The following NAIP variants were observed in gnomAD, a reference collection of about 807,000 sequenced individuals.
The protein encoded by NAIP is NLR family apoptosis inhibitory protein, also known as baculoviral IAP repeat-containing protein 1.
NAIP carries 15 observed loss-of-function variants against 23.0 expected under a neutral mutation model. The observed-to-expected ratio is 0.65, with a 90% CI of 0.44 to 1.00. NAIP has a LOEUF of 1.00. Among genes scored for constraint, NAIP ranks in the 50% least tolerant of loss-of-function variants. The pLI is 0.00. For synonymous variants in NAIP, 100 were observed against 100.2 expected (o/e 1.00, Z 0.01); for missense variants, 265 against 278.8 (o/e 0.95, Z 0.35).
At chr5:71,002,425 T>TTG (rs1750837526) in intron 6 of NAIP, among the ~76,000 whole-genome samples, 1 of 120,758 alleles carries the variant, frequency 8.3e-6, no homozygotes. Flanking sequence ...TTTTTTTTTT[T>TTG]TGAGACAGAG....
At chr5:70,996,868 G>A (rs1172197296) in intron 9 of NAIP, among the ~76,000 whole-genome samples, 1 of 91,212 alleles carries the variant, frequency 1.1e-5, no homozygotes, top group African/African-American at 3.6e-5. Context: ...TGAGAAATGG[G>A]AAACCTCATA....
chr5:71,012,191 A>G (rs1297146042), intron 4 of NAIP, among the ~76,000 whole-genome samples, 157 bp downstream of exon 4: 4 of 151,716 alleles, frequency 2.6e-5, no homozygotes, highest in Non-Finnish European at 4.4e-5. Flanking sequence ...GCAAAAATAA[A>G]AATATTGATG....
At chr5:71,015,074 G>A (rs1751371101) in intron 3 of NAIP, among the ~76,000 whole-genome samples, 1 of 151,488 alleles carries the variant, frequency 6.6e-6, no homozygotes, top group South Asian at 2.1e-4. Context: ...TCCTGAAATA[G>A]GAATCAAAAA....
intron 6 of NAIP, among the ~76,000 whole-genome samples, chr5:71,002,401 CTTTTTTTTTT>C (rs1157939944): frequency 5.4e-4 from 3 of 5,588 alleles, no homozygotes; most frequent in South Asian, 8.8e-3. Flanking sequence ...TGTTGGAGGT[CTTTTTTTTTT>C]TTTTTTTTTT....
rs1448714100 is a variant in NAIP, at chr5:71,024,906, T to G, written c.-510A>C. The G allele has an allele frequency of 1.8e-5, 1 of 55,118 alleles. No individual in the cohort carries two copies. The highest frequency in any genetic ancestry group is 5.7e-5 in the African/African-American group (1 of 17,490). The allele number at this position is 55,118 out of a possible 1,614,324, so 3.4% of individuals were successfully genotyped here. On this transcript the variant is annotated 5_prime_UTR_variant, in exon 1 of 17. Coordinates refer to ENST00000517649, the MANE Select transcript of NAIP (RefSeq NM_004536.3). ...CAAATCCCAGACCTCTAATCATGCC[T>G]TAGTCTTTCAGGGGATAGCCCCCAT...
chr5:71,015,363 T>A (rs1346654398), intron 3 of NAIP, among the ~76,000 whole-genome samples: 1 of 149,092 alleles, frequency 6.7e-6, no homozygotes, highest in Non-Finnish European at 1.5e-5. Context: ...TCATGAAATC[T>A]CTTTCCTCAA....
intron 5 of NAIP, among the ~76,000 whole-genome samples, chr5:71,010,256 C>T (rs569040713): frequency 2.7e-4 from 40 of 150,688 alleles, no homozygotes; most frequent in East Asian, 5.8e-4. Context: ...TGCAGGTACA[C>T]GCCACCATGC....
At chr5:71,014,094 T>C (rs960172186) in intron 3 of NAIP, among the ~76,000 whole-genome samples, 18 of 150,414 alleles carry the variant, frequency 1.2e-4, no homozygotes, top group African/African-American at 4.2e-4. Context: ...CTAGCCCAAG[T>C]AATTCCTCCT....
intron 3 of NAIP, among the ~76,000 whole-genome samples, chr5:71,016,064 G>C (rs1334152880): frequency 6.7e-6 from 1 of 148,236 alleles, no homozygotes; most frequent in African/African-American, 2.5e-5. Flanking sequence ...AGGATTGCTT[G>C]AGACCAGGAG....
At chr5:71,011,224 C>G (rs752092851) in intron 5 of NAIP, 51 bp downstream of exon 5, 1 of 1,418,262 alleles carries the variant, frequency 7.1e-7, no homozygotes, top group African/African-American at 1.4e-5. Context: ...CAGAGCAAGA[C>G]TGTCTCAAAA....
At chr5:71,014,134 G>A (rs1751315098) in intron 3 of NAIP, among the ~76,000 whole-genome samples, 1 of 146,448 alleles carries the variant, frequency 6.8e-6, no homozygotes, top group Non-Finnish European at 1.5e-5. Flanking sequence ...GTCTCACTCT[G>A]TCACCCAGGC....
intron 3 of NAIP, among the ~76,000 whole-genome samples, chr5:71,013,745 A>AT (rs1405481731): frequency 6.6e-6 from 1 of 151,250 alleles, no homozygotes; most frequent in Non-Finnish European, 1.5e-5. Context: ...TCAAATCCCC[A>AT]TGACCATCCC....
chr5:71,011,320 T>C lies in NAIP; in HGVS notation c.623A>G (p.Glu208Gly). The C allele has an allele frequency of 6.2e-7, 1 of 1,607,142 alleles. No individual in the cohort carries two copies. ...FSCGGCLGNW[E>G]EGDDPWKEHA... The stretch of plus-strand genomic sequence containing the variant: ...TTCCTTCCAAGGATCATCTCCTTCT[T>C]CCCAATTTCCTAAACATCCACCACA... Residue 208 changes from glutamate (E) to glycine (G), a missense_variant, in exon 5 of 17, where the codon GAA (glutamate) becomes GGA (glycine). Physicochemically the swap from Glu to Gly is moderately conservative, Grantham distance 98 (BLOSUM62 -2). Transcript: ENST00000517649.
chr5:71,013,619 G>A (rs1378887751), intron 3 of NAIP, among the ~76,000 whole-genome samples: 1 of 139,914 alleles, frequency 7.1e-6, no homozygotes, highest in East Asian at 2.2e-4. Flanking sequence ...CAGCCTGGGT[G>A]ACAGAGCAAG....
At chr5:71,011,237 A>C (rs746371642) in intron 5 of NAIP, 38 bp downstream of exon 5, 1 of 1,511,406 alleles carries the variant, frequency 6.6e-7, no homozygotes, top group East Asian at 2.3e-5. Context: ...TCTCAAAAAA[A>C]AAAGAAAGAA....
chr5:70,977,730 C>T (rs1465148967), intron 13 of NAIP, among the ~76,000 whole-genome samples: 7 of 138,632 alleles, frequency 5.0e-5, no homozygotes, highest in East Asian at 2.1e-4. Context: ...TAGTGGCTCA[C>T]GCCTGTAATC....
chr5:71,012,964 T>A (rs1293075335), intron 3 of NAIP, 46 bp from the exon 4 acceptor site: 1 of 1,441,380 alleles, frequency 6.9e-7, no homozygotes, highest in Non-Finnish European at 9.3e-7. Context: ...GTAAGATTTT[T>A]CTTAGAAGAG....
rs566910655 is a variant in NAIP at position 71,012,498 on chromosome 5, T to C, written c.418A>G (p.Ile140Val). The change falls in exon 4 of 17, where the codon ATA (isoleucine) becomes GTA (valine). Residue 140 changes from isoleucine to valine, a missense_variant. Physicochemically the swap from Ile to Val is conservative, Grantham distance 29 (BLOSUM62 3). Around this residue, in one of 2 missense-constraint regions of NAIP, gnomAD observed 261 missense variants for 259.2 expected, o/e 1.01. Transcript: ENST00000517649. The part of the protein sequence containing the change: ...KDVGNIAKYD[I>V]RVKNLKSRLR... Reference sequence around the variant, plus strand: ...CTGCTCTTCAGATTCTTCACCCTTATGTCGTACTTGGCAATGTTACCAACA... The same window carrying C: ...CTGCTCTTCAGATTCTTCACCCTTACGTCGTACTTGGCAATGTTACCAACA... 29 of 1,611,748 alleles carry C rather than the reference T, an allele frequency of 1.8e-5. 1 individual carries two copies. In the Admixed American group the frequency reaches 3.0e-4, roughly 17 times the overall value.
intron 4 of NAIP, chr5:71,011,707 C>A: frequency 2.2e-6 from 1 of 457,618 alleles, no homozygotes; most frequent in Non-Finnish European, 4.1e-6. Context: ...AATTAGAAAA[C>A]CTACGTTTTA....
Sources: gnomAD v4.1 joint callset for allele counts (sites outside exome capture counted in the v4.1 genomes callset) on GRCh38, gnomAD v4.1.1 for gene constraint, gnomAD v4.1.1 regional missense constraint, MANE v1.5 for transcripts, NCBI Gene and HGNC (gene_info 2026-07-23, HGNC 2026-07-21) for gene names.